Variants in SDK1 observed in about 807,000 individuals in gnomAD.
SDK1 encodes the protein sidekick cell adhesion molecule 1.
A neutral mutation model predicts 245.5 loss-of-function variants in SDK1; 157 were observed. That is an observed-to-expected ratio of 0.64 (90% CI 0.56 to 0.73). SDK1 has a LOEUF of 0.73. SDK1 is among the 30% of genes least tolerant of loss of function. The pLI is 0.00. For synonymous variants in SDK1, 1,647 were observed against 1,278.5 expected (o/e 1.29, Z -6.15); for missense variants, 3,583 against 3,002.3 (o/e 1.19, Z -4.52).
chr7:3,884,056 GTTTGTTT>G (rs1435099180), intron 5 of SDK1, among the ~76,000 whole-genome samples: 3 of 130,326 alleles, frequency 2.3e-5, no homozygotes, highest in African/African-American at 1.1e-4. Context: ...TTGTTTGTTT[GTTTGTTT>G]TTTGTTTGTT....
chr7:4,169,229 C>T (rs1355583478), intron 32 of SDK1, among the ~76,000 whole-genome samples: 2 of 152,216 alleles, frequency 1.3e-5, no homozygotes, highest in African/African-American at 4.8e-5. Flanking sequence ...ATCCATGGCT[C>T]CGGTGGATTG....
intron 4 of SDK1, among the ~76,000 whole-genome samples, chr7:3,652,062 G>A (rs779021733): frequency 2.0e-5 from 3 of 152,148 alleles, no homozygotes; most frequent in Admixed American, 6.5e-5. Flanking sequence ...ATTGGCCTCC[G>A]TTTTATGTTC....
intron 1 of SDK1, among the ~76,000 whole-genome samples, chr7:3,359,050 CTCA>C (rs1780883592): frequency 2.6e-5 from 4 of 152,244 alleles, no homozygotes; most frequent in South Asian, 4.1e-4. Context: ...TGGCATTTTC[CTCA>C]TCATAGAACC....
intron 18 of SDK1, among the ~76,000 whole-genome samples, chr7:4,050,874 T>A (rs1434064055): frequency 1.4e-5 from 2 of 144,626 alleles, no homozygotes; most frequent in African/African-American, 2.5e-5. Flanking sequence ...ATATGGTATA[T>A]ATTATATATA....
At chr7:4,173,925 C>T (rs1301827066) in intron 32 of SDK1, among the ~76,000 whole-genome samples, 3 of 152,210 alleles carry the variant, frequency 2.0e-5, no homozygotes, top group Non-Finnish European at 4.4e-5. Context: ...GTGTCTGTCC[C>T]CAGCCTCCTG....
chr7:3,920,214 C>A (rs1562537680), intron 5 of SDK1, among the ~76,000 whole-genome samples: 1 of 152,188 alleles, frequency 6.6e-6, no homozygotes, highest in Non-Finnish European at 1.5e-5. Context: ...TTCTGGGCTT[C>A]ATGCTGTGGG....
rs72564315 is a variant in SDK1, at chr7:3,349,201, C to CA, written c.298+47325dup. ...GTGGTTGCAGTTTAAAAAAAAACAA[C>CA]AAAAAAAACACAACAAAACAAACAC... is the stretch of plus-strand genomic sequence containing the variant. On this transcript the variant is annotated intron_variant, in intron 1 of 44. Coordinates refer to ENST00000404826, the MANE Select transcript of SDK1 (RefSeq NM_152744.4). Among the ~76,000 whole-genome samples the CA allele has an allele frequency of 5.3e-3, 798 of 151,202 alleles. 9 individuals carry two copies. The highest frequency in any genetic ancestry group is 0.017 in the African/African-American group (709 of 41,066).
rs529240875 is a variant in SDK1, at chr7:3,930,110, C to T, written c.848-20813C>T. ...TGAGGTGATGTATGTGTAACCCAGG[C>T]AGCTCGTTAACATTTAGGTCCTGAT... On this transcript the variant is annotated intron_variant, in intron 5 of 44. Coordinates refer to ENST00000404826, the MANE Select transcript of SDK1 (RefSeq NM_152744.4). 2.6e-5 allele frequency among the ~76,000 whole-genome samples: 4 copies of T among 152,282 alleles called. No homozygotes were observed. The South Asian group carries it at 8.3e-4, about 32-fold the overall frequency.
chr7:4,214,165 G>A (rs1784660207), intron 38 of SDK1, among the ~76,000 whole-genome samples: 1 of 151,980 alleles, frequency 6.6e-6, no homozygotes, highest in East Asian at 1.9e-4. Flanking sequence ...CAGGTGTTCT[G>A]AGTCCAGAGC....
intron 2 of SDK1, among the ~76,000 whole-genome samples, chr7:3,625,728 A>T (rs764847181): frequency 3.3e-5 from 5 of 152,164 alleles, no homozygotes; most frequent in Non-Finnish European, 7.3e-5. Flanking sequence ...CTTCATTTCT[A>T]ATTAGCTCAA....
Position 4,127,563 on chromosome 7 carries a change from T to A in SDK1, c.3939+67T>A, listed in dbSNP as rs943439648. On this transcript the variant is annotated intron_variant, in intron 26 of 44. Transcript: ENST00000404826. ...GCTGGGGAAATGGGAGCATGTGCTA[T>A]TCCCCCAAAGCAACGAGCTTCCTCT... 7 of 1,184,848 alleles carry A rather than the reference T, an allele frequency of 5.9e-6. No individual in the cohort carries two copies. The Middle Eastern group carries it at 5.8e-4, about 98-fold the overall frequency. The allele number at this position is 1,184,848 out of a possible 1,614,324, so 73.4% of individuals were successfully genotyped here. A position where few individuals can be genotyped will look rare whatever the true frequency, so the allele number is the denominator to read the frequency against.
At chr7:3,342,687 G>A (rs912050396) in intron 1 of SDK1, among the ~76,000 whole-genome samples, 2 of 152,102 alleles carry the variant, frequency 1.3e-5, no homozygotes, top group African/African-American at 4.8e-5. Flanking sequence ...GAAAAACTTG[G>A]TAAGTTAGAA....
intron 1 of SDK1, among the ~76,000 whole-genome samples, chr7:3,429,824 C>A (rs1004690460): frequency 6.6e-6 from 1 of 151,484 alleles, no homozygotes; most frequent in African/African-American, 2.4e-5. Context: ...GCCCTGGGTT[C>A]AAGCAGTCCT....
At chr7:3,931,847 T>G (rs2128117687) in intron 5 of SDK1, among the ~76,000 whole-genome samples, 1 of 152,344 alleles carries the variant, frequency 6.6e-6, no homozygotes, top group East Asian at 1.9e-4. Flanking sequence ...TATTAGAAGC[T>G]TTGGGAGAGG....
chr7:4,267,249 C>T lies in SDK1; in HGVS notation c.*1865C>T. The T allele has an allele frequency of 1.4e-6, 1 of 714,944 alleles. No individual in the cohort carries two copies. The highest frequency in any genetic ancestry group is 1.7e-6 in the Non-Finnish European group (1 of 584,500). 44.3% of individuals were successfully genotyped at this position (714,944 alleles called of 1,614,324 possible). ...TCCTCCCTTCCTCTCTTCTTTCCTCCCTCCCTCCCTCCTTCCCTCCCTTCC... is the reference window on the plus strand; with the variant it reads ...TCCTCCCTTCCTCTCTTCTTTCCTCTCTCCCTCCCTCCTTCCCTCCCTTCC... On this transcript the variant is annotated 3_prime_UTR_variant, in exon 45 of 45. Transcript: ENST00000404826.
At chr7:4,020,041 T>C (rs1329675789) in intron 17 of SDK1, among the ~76,000 whole-genome samples, 2 of 152,080 alleles carry the variant, frequency 1.3e-5, no homozygotes, top group African/African-American at 4.8e-5. Context: ...CATGCTTTTC[T>C]TCCAGACCCT....
At chr7:3,794,859 C>T (rs1402368692) in intron 4 of SDK1, among the ~76,000 whole-genome samples, 1 of 152,086 alleles carries the variant, frequency 6.6e-6, no homozygotes, top group African/African-American at 2.4e-5. Context: ...TGTTCTAGAT[C>T]CTCTGTCTGT....
chr7:3,842,987 G>A (rs369297237), intron 5 of SDK1, among the ~76,000 whole-genome samples: 33 of 152,166 alleles, frequency 2.2e-4, no homozygotes, highest in African/African-American at 6.0e-4. Flanking sequence ...CTCATTTGGC[G>A]AAAGTGCATT....
chr7:3,951,900 C>T lies in SDK1; in HGVS notation c.1130C>T (p.Thr377Met), dbSNP rs369659610. ...PGSAFEPARA[T>M]AFLFIIEPPY... ...AGCGCTTTTGAACCGGCCAGGGCGA[C>T]GGCCTTTCTTTTCATCATAGGTAAT... The change falls in exon 7 of 45, where the codon ACG (threonine) becomes ATG (methionine). Residue 377 changes from threonine to methionine, a missense_variant. Coordinates refer to ENST00000404826, the MANE Select transcript of SDK1 (RefSeq NM_152744.4). The T allele has an allele frequency of 1.4e-5, 22 of 1,612,800 alleles. No homozygotes were observed. The highest frequency in any genetic ancestry group is 8.8e-5 in the South Asian group (8 of 91,042).
Sources: gnomAD v4.1 joint callset for allele counts (sites outside exome capture counted in the v4.1 genomes callset) on GRCh38, gnomAD v4.1.1 for gene constraint, MANE v1.5 for transcripts, NCBI Gene and HGNC (gene_info 2026-07-23, HGNC 2026-07-21) for gene names.